Variants in ENTREP2 observed in about 807,000 individuals in gnomAD.
ENTREP2 encodes protein ENTREP2.
At chr15:29,136,758 T>C in the ENTREP2 span, among the ~76,000 whole-genome samples, 3 of 152,206 alleles carry the variant, frequency 2.0e-5, no homozygotes, top group African/African-American at 7.2e-5. Context: ...TGATTACATC[T>C]TTCATTAAAC....
the ENTREP2 span, among the ~76,000 whole-genome samples, chr15:29,491,508 T>C: frequency 6.6e-6 from 1 of 152,146 alleles, no homozygotes. Context: ...CAATTTTAAG[T>C]TCCAATCTGG....
At chr15:29,210,517 G>A in the ENTREP2 span, among the ~76,000 whole-genome samples, 2,815 of 152,270 alleles carry the variant, frequency 0.018, 106 homozygotes, top group African/African-American at 0.064. Context: ...TCATAGGAGC[G>A]CGATTCCTAT....
chr15:29,252,543 G>A, the ENTREP2 span: 1 of 844,824 alleles, frequency 1.2e-6, no homozygotes, highest in East Asian at 2.7e-5. Flanking sequence ...AAATGACATG[G>A]CTTTACAACA....
chr15:29,476,922 T>G, the ENTREP2 span, among the ~76,000 whole-genome samples: 1 of 152,120 alleles, frequency 6.6e-6, no homozygotes, highest in Non-Finnish European at 1.5e-5. Flanking sequence ...CTCCTAGGCA[T>G]ACACCCATCC....
chr15:29,449,511 T>G, the ENTREP2 span, among the ~76,000 whole-genome samples: 1 of 152,220 alleles, frequency 6.6e-6, no homozygotes, highest in South Asian at 2.1e-4. Flanking sequence ...TGAATGTGAA[T>G]GATCACCCTT....
At chr15:29,182,265 C>T in the ENTREP2 span, among the ~76,000 whole-genome samples, 1 of 151,934 alleles carries the variant, frequency 6.6e-6, no homozygotes, top group South Asian at 2.1e-4. Flanking sequence ...TCTGGGACTA[C>T]AGGCGCCCGC....
the ENTREP2 span, among the ~76,000 whole-genome samples, chr15:29,436,598 G>A: frequency 6.6e-6 from 1 of 152,184 alleles, no homozygotes; most frequent in Non-Finnish European, 1.5e-5. Context: ...AGTCATAACA[G>A]CCTACAAAAA....
chr15:29,185,173 G>C, the ENTREP2 span, among the ~76,000 whole-genome samples: 1 of 152,062 alleles, frequency 6.6e-6, no homozygotes, highest in Non-Finnish European at 1.5e-5. Context: ...TGTTGGCCAG[G>C]CTGGTCTTGA....
At chr15:29,189,696 C>T in the ENTREP2 span, among the ~76,000 whole-genome samples, 3 of 152,058 alleles carry the variant, frequency 2.0e-5, no homozygotes, top group South Asian at 2.1e-4. Context: ...CAACATGTTA[C>T]GAAGCATATT....
the ENTREP2 span, chr15:29,234,884 A>G: frequency 1.1e-5 from 17 of 1,495,692 alleles, no homozygotes; most frequent in Non-Finnish European, 1.5e-5. Context: ...TGTTGTCAAA[A>G]CCTTTCTGCT....
the ENTREP2 span, among the ~76,000 whole-genome samples, chr15:29,466,100 G>C: frequency 6.6e-6 from 1 of 152,194 alleles, no homozygotes; most frequent in Non-Finnish European, 1.5e-5. Flanking sequence ...GAAGCATATG[G>C]TTTGAGGATC....
At chr15:29,625,173 C>T in the ENTREP2 span, among the ~76,000 whole-genome samples, 1 of 151,964 alleles carries the variant, frequency 6.6e-6, no homozygotes, top group Non-Finnish European at 1.5e-5. Flanking sequence ...AAATGAATGC[C>T]CTTAATATCC....
chr15:29,271,872 G>C, the ENTREP2 span, among the ~76,000 whole-genome samples: 589 of 152,154 alleles, frequency 3.9e-3, 2 homozygotes, highest in African/African-American at 0.014. Flanking sequence ...ACAGTGCCTT[G>C]AGTCAAAAAA....
At chr15:29,570,056 C>T in the ENTREP2 span, 1 of 128,152 alleles carries the variant, frequency 7.8e-6, no homozygotes, top group East Asian at 3.6e-4. Context: ...ACCCCACCCC[C>T]CACCCCCACC....
At chr15:29,594,565 G>A in the ENTREP2 span, among the ~76,000 whole-genome samples, 10 of 152,112 alleles carry the variant, frequency 6.6e-5, no homozygotes, top group African/African-American at 1.9e-4. Flanking sequence ...CAATGTACAC[G>A]GTGGCCAGAA....
At chr15:29,557,958 C>G in the ENTREP2 span, among the ~76,000 whole-genome samples, 1 of 152,334 alleles carries the variant, frequency 6.6e-6, no homozygotes, top group South Asian at 2.1e-4. Flanking sequence ...TTCTCTAGCT[C>G]TCCTAAACCA....
chr15:29,642,387 G>A, the ENTREP2 span, among the ~76,000 whole-genome samples: 2 of 151,156 alleles, frequency 1.3e-5, no homozygotes, highest in South Asian at 2.1e-4. Flanking sequence ...CATTCAATAG[G>A]GGGGAGAGAA....
chr15:29,617,051 C>T, the ENTREP2 span, among the ~76,000 whole-genome samples: 2 of 152,218 alleles, frequency 1.3e-5, no homozygotes, highest in South Asian at 2.1e-4. Context: ...CTGAGTGAGA[C>T]GCCCTCTCAA....
the ENTREP2 span, among the ~76,000 whole-genome samples, chr15:29,367,702 G>A: frequency 0.01 from 1,532 of 152,232 alleles, 41 homozygotes; most frequent in African/African-American, 0.035. Flanking sequence ...TGTGCCCCAA[G>A]AGTCACACAG....
Sources: allele counts gnomAD v4.1 joint callset (sites outside exome capture counted in the v4.1 genomes callset), GRCh38; gene constraint gnomAD v4.1.1; transcripts MANE v1.5; gene names NCBI Gene and HGNC (gene_info 2026-07-23, HGNC 2026-07-21).